The following PRRG1 variants were observed in gnomAD, a reference collection of about 807,000 sequenced individuals.
PRRG1 encodes transmembrane gamma-carboxyglutamic acid protein 1.
A neutral mutation model predicts 11.8 loss-of-function variants in PRRG1; 5 were observed. That is an observed-to-expected ratio of 0.42 (90% CI 0.22 to 0.89). PRRG1 has a LOEUF of 0.89. PRRG1 is among the 40% of genes least tolerant of loss of function. PRRG1 has a pLI of 0.28. For synonymous variants in PRRG1, 66 were observed against 60.4 expected, an observed-to-expected ratio of 1.09 and a Z score of -0.43; for missense variants, 155 against 166.1, an observed-to-expected ratio of 0.93 and a Z score of 0.37.
rs782442968 is a variant in PRRG1 at position 37,401,143 on chromosome X, T to C, written c.-41-5066T>C. On this transcript the variant is annotated intron_variant, in intron 1 of 3. Coordinates refer to ENST00000378628, the MANE Select transcript of PRRG1 (RefSeq NM_001142395.2). ...TCCCTAACTTATTTTATGAGGCCAG[T>C]ATCATCCTGATACCAAAGCCGGGCA... Among the ~76,000 whole-genome samples the C allele has an allele frequency of 6.7e-3, 730 of 108,828 alleles. 9 individuals are homozygous for C. The highest frequency in any genetic ancestry group is 0.018 in the South Asian group (43 of 2,424). 94.5% of individuals were successfully genotyped at this position (108,828 alleles called of 115,157 possible). A position where few individuals can be genotyped will look rare whatever the true frequency, so the allele number is the denominator to read the frequency against.
chrX:37,429,935 G>A lies in PRRG1; in HGVS notation c.171+3935G>A, dbSNP rs782770934. On this transcript the variant is annotated intron_variant, in intron 3 of 3. Transcript: ENST00000378628. ...GGAAGAAACAAAAGTGGAAACCCCTGATAAACCCATCAGATTTCATGAGAT... is the reference window on the plus strand; with the variant it reads ...GGAAGAAACAAAAGTGGAAACCCCTAATAAACCCATCAGATTTCATGAGAT... Among the ~76,000 whole-genome samples, 4 of 111,765 alleles carry A rather than the reference G, an allele frequency of 3.6e-5. No homozygotes were observed. The South Asian group carries it at 1.5e-3, about 42-fold the overall frequency.
At chrX:37,375,180 T>C (rs1556371762) in intron 1 of PRRG1, among the ~76,000 whole-genome samples, 2 of 111,739 alleles carry the variant, frequency 1.8e-5, no homozygotes, top group African/African-American at 6.5e-5. Context: ...AGAAGTGTTC[T>C]ATGGTCCTAT....
Position 37,425,732 on chromosome X carries a change from C to T in PRRG1, c.11-108C>T, listed in dbSNP as rs1195670999. 8.8e-6 allele frequency: 6 copies of T among 681,884 alleles called. No individual in the cohort carries two copies. The Middle Eastern group carries it at 1.8e-3, about 204-fold the overall frequency. 56.2% of individuals were successfully genotyped at this position (681,884 alleles called of 1,213,427 possible). On this transcript the variant is annotated intron_variant, in intron 2 of 3. Transcript: ENST00000378628. ...TAAGTGTTACTTCATTGCTGACTCA[C>T]GGAAAGAGGTTTAGGATGTTGGCTA...
At chrX:37,361,830 CT>C (rs1556367741) in intron 1 of PRRG1, among the ~76,000 whole-genome samples, 3 of 112,069 alleles carry the variant, frequency 2.7e-5, no homozygotes, top group African/African-American at 9.7e-5. Flanking sequence ...GTAAAAAAAT[CT>C]ATATGAGTAA....
rs1004428918 is a variant in PRRG1 at position 37,455,448 on chromosome X, A to G, written c.*1827A>G. On this transcript the variant is annotated 3_prime_UTR_variant, in exon 4 of 4. Transcript: ENST00000378628. ...TATGAGAGCTTTCACACAGTGAGAA[A>G]TAGAGCAGGCTGCCCCATAAATGGG... The G allele has an allele frequency of 8.9e-6, 1 of 112,160 alleles. No individual in the cohort carries two copies. Among genetic ancestry groups the G allele is most frequent in the Non-Finnish European group, 1.9e-5 (1 of 53,289 alleles). 9.2% of individuals were successfully genotyped at this position (112,160 alleles called of 1,213,427 possible).
intron 3 of PRRG1, among the ~76,000 whole-genome samples, chrX:37,434,382 A>G (rs183350211): frequency 2.2e-4 from 25 of 112,329 alleles, no homozygotes; most frequent in Admixed American, 6.6e-4. Flanking sequence ...AACAATGAAT[A>G]GGCTGCTCCT....
Position 37,361,329 on chromosome X carries a change from G to A in PRRG1, c.-42+11934G>A, listed in dbSNP as rs201254113. Among the ~76,000 whole-genome samples, 5 of 104,779 alleles carry A rather than the reference G, an allele frequency of 4.8e-5. No individual in the cohort carries two copies. The East Asian group carries it at 1.2e-3, about 25-fold the overall frequency. 91.0% of individuals were successfully genotyped at this position (104,779 alleles called of 115,157 possible). A position where few individuals can be genotyped will look rare whatever the true frequency, so the allele number is the denominator to read the frequency against. ...TGCACTCCAGCCTGGGCGACAGAGC[G>A]AGACTCAGTCAAAAAAAAAAAAAAA... is the stretch of plus-strand genomic sequence containing the variant. On this transcript the variant is annotated intron_variant, in intron 1 of 3. Transcript: ENST00000378628.
At chrX:37,427,612 A>C (rs1205620702) in intron 3 of PRRG1, among the ~76,000 whole-genome samples, 1 of 111,793 alleles carries the variant, frequency 8.9e-6, no homozygotes, top group African/African-American at 3.3e-5. Flanking sequence ...GCTACTTCTC[A>C]TTTCTTTCTC....
Position 37,453,978 on chromosome X carries a change from C to G in PRRG1, c.*357C>G, listed in dbSNP as rs143323383. On this transcript the variant is annotated 3_prime_UTR_variant, in exon 4 of 4. Coordinates refer to ENST00000378628, the MANE Select transcript of PRRG1 (RefSeq NM_001142395.2). ...ATCCATTAACTTCTACCTAAATCAC[C>G]TGGAAGGAGAGCATTACTCACCAAA... The G allele has an allele frequency of 0.018, 2,141 of 121,744 alleles. 19 individuals are homozygous for G. The highest frequency in any genetic ancestry group is 0.069 in the Middle Eastern group (19 of 274). The allele number at this position is 121,744 out of a possible 1,213,427, so 10.0% of individuals were successfully genotyped here.
rs1556398129 is a variant in PRRG1 at position 37,455,551 on chromosome X, C to A, written c.*1930C>A. The A allele has an allele frequency of 8.9e-6, 1 of 112,003 alleles. No individual in the cohort carries two copies. 9.2% of individuals were successfully genotyped at this position (112,003 alleles called of 1,213,427 possible). ...CTGGTCTGTTCTGAAACTGTGCCAA[C>A]TGAAAGATGATAGTCCACACAGCAC... On this transcript the variant is annotated 3_prime_UTR_variant, in exon 4 of 4. Transcript: ENST00000378628.
intron 3 of PRRG1, chrX:37,442,157 G>C (rs1312138244): frequency 1.3e-6 from 1 of 755,358 alleles, no homozygotes; most frequent in Non-Finnish European, 1.6e-6. Context: ...CTTTCAGAAC[G>C]TTCTCTTCAA....
chrX:37,435,677 A>AAAAG (rs1260408144), intron 3 of PRRG1, among the ~76,000 whole-genome samples: 1 of 111,365 alleles, frequency 9.0e-6, no homozygotes, highest in Non-Finnish European at 1.9e-5. Context: ...TCCAAAAACC[A>AAAAG]AAAGACATTC....
intron 3 of PRRG1, chrX:37,441,071 T>C (rs1932967639): frequency 1.1e-6 from 1 of 946,071 alleles, no homozygotes; most frequent in Non-Finnish European, 1.3e-6. Context: ...TGCCCGGCCA[T>C]CTATTTTAAA....
intron 1 of PRRG1, among the ~76,000 whole-genome samples, chrX:37,381,651 C>T (rs73466242): frequency 0.019 from 2,112 of 111,216 alleles, 47 homozygotes; most frequent in African/African-American, 0.059. Context: ...ATGTTTTTCT[C>T]AAATGCTTAT....
At chrX:37,423,708 T>C (rs1393123435) in intron 2 of PRRG1, among the ~76,000 whole-genome samples, 16 of 109,705 alleles carry the variant, frequency 1.5e-4, no homozygotes, top group African/African-American at 5.3e-4. Context: ...ATACATTTAA[T>C]GTAGCCTAAG....
In PRRG1 at chrX:37,362,553, GTTGT is replaced by G. The variant is rs781841482; in HGVS notation, c.-42+13163_-42+13166del. Reference sequence around the variant, plus strand: ...CAGATCAAACTGTTCACTTTCAAAGGTTGTTTGTGCCTAACCTTTCTTCTGTTTT... The same window carrying G: ...CAGATCAAACTGTTCACTTTCAAAGGTTGTGCCTAACCTTTCTTCTGTTTT... On this transcript the variant is annotated intron_variant, in intron 1 of 3. Coordinates refer to ENST00000378628, the MANE Select transcript of PRRG1 (RefSeq NM_001142395.2). 1.6e-4 allele frequency among the ~76,000 whole-genome samples: 18 copies of G among 111,650 alleles called. 1 individual carries two copies. The East Asian group carries it at 5.1e-3, about 32-fold the overall frequency.
chrX:37,432,988 A>T (rs5917607), intron 3 of PRRG1, among the ~76,000 whole-genome samples: 22,716 of 110,263 alleles, frequency 0.21, 3,433 homozygotes, highest in African/African-American at 0.53. Flanking sequence ...TCTTTTTCAT[A>T]TCCCACACCC....
At chrX:37,377,233 T>C (rs150273113) in intron 1 of PRRG1, among the ~76,000 whole-genome samples, 10 of 112,158 alleles carry the variant, frequency 8.9e-5, no homozygotes, top group Non-Finnish European at 1.7e-4. Flanking sequence ...TTTGGATAAA[T>C]CCTGTAATGG....
intron 1 of PRRG1, among the ~76,000 whole-genome samples, chrX:37,398,040 A>T (rs1255442878): frequency 1.8e-5 from 2 of 108,632 alleles, no homozygotes; most frequent in African/African-American, 6.8e-5. Context: ...AAGGGACCAG[A>T]TGGGGGCAGG....
Sources: gnomAD v4.1 joint callset for allele counts (sites outside exome capture counted in the v4.1 genomes callset) on GRCh38, gnomAD v4.1.1 for gene constraint, MANE v1.5 for transcripts, NCBI Gene and HGNC (gene_info 2026-07-23, HGNC 2026-07-21) for gene names.